The following AGBL1 variants were observed in gnomAD, a reference collection of about 807,000 sequenced individuals.
The protein encoded by AGBL1 is AGBL carboxypeptidase 1.
AGBL1 carries 130 observed loss-of-function variants against 118.9 expected under a neutral mutation model. The observed-to-expected ratio is 1.09, with a 90% CI of 0.95 to 1.26. AGBL1 has a LOEUF of 1.26. AGBL1 is among the 50% of genes most tolerant of loss of function. AGBL1 has a pLI of 0.00. For synonymous variants in AGBL1, 555 were observed against 478.9 expected, an observed-to-expected ratio of 1.16 and a Z score of -2.08; for missense variants, 1,584 against 1,298.1, an observed-to-expected ratio of 1.22 and a Z score of -3.38.
intron 23 of AGBL1, chr15:86,939,594 A>G (rs2080721506): frequency 6.6e-6 from 1 of 152,094 alleles, no homozygotes; most frequent in Non-Finnish European, 1.5e-5. Context: ...CTTCAAATAT[A>G]CATCTATCCT....
intron 1 of AGBL1, among the ~76,000 whole-genome samples, chr15:86,107,359 C>T (rs967914377): frequency 3.3e-4 from 50 of 152,182 alleles, no homozygotes; most frequent in African/African-American, 1.1e-3. Context: ...AATCTAGGTT[C>T]TACTGCATAT....
intron 21 of AGBL1, among the ~76,000 whole-genome samples, chr15:86,561,012 G>T (rs576845352): frequency 3.5e-4 from 53 of 152,264 alleles, no homozygotes; most frequent in African/African-American, 1.3e-3. Context: ...ATTTGTTTGA[G>T]TTCTTTGTAG....
rs556671579 is a variant in AGBL1, at chr15:86,477,727, T to G, written c.2556-45083T>G. ...AAAAGAGGGAATTCTCCCTAACTCA[T>G]TTTATGAGGCCAGCATCGTTCTGAG... On this transcript the variant is annotated intron_variant, in intron 18 of 22. Transcript: ENST00000614907. Among the ~76,000 whole-genome samples, 6 of 152,310 alleles carry G rather than the reference T, an allele frequency of 3.9e-5. No individual in the cohort carries two copies. The South Asian group carries it at 6.2e-4, about 16-fold the overall frequency.
chr15:86,839,772 T>C (rs1295257314), intron 22 of AGBL1, among the ~76,000 whole-genome samples: 2 of 152,196 alleles, frequency 1.3e-5, no homozygotes, highest in African/African-American at 2.4e-5. Context: ...AGAGGATTCC[T>C]TCTAATTCCT....
chr15:86,305,172 C>G (rs569766342), intron 17 of AGBL1: 66 of 152,230 alleles, frequency 4.3e-4, no homozygotes, highest in African/African-American at 1.5e-3. Context: ...TGTCAGTTCC[C>G]CAAACTCAGG....
At chr15:86,803,687 G>A in intron 22 of AGBL1, among the ~76,000 whole-genome samples, 1 of 152,024 alleles carries the variant, frequency 6.6e-6, no homozygotes, top group South Asian at 2.1e-4. Context: ...TCTTGGTAAG[G>A]ACAAAATTCA....
chr15:87,021,265 G>A (rs2081661683), intron 24 of AGBL1, among the ~76,000 whole-genome samples: 1 of 152,106 alleles, frequency 6.6e-6, no homozygotes, highest in South Asian at 2.1e-4. Context: ...TTTAATAAAT[G>A]GTGGTGGAAG....
intron 22 of AGBL1, among the ~76,000 whole-genome samples, chr15:86,710,257 G>T (rs1343141616): frequency 6.6e-6 from 1 of 152,120 alleles, no homozygotes; most frequent in Non-Finnish European, 1.5e-5. Flanking sequence ...ACCAAGTATC[G>T]ATGGATTGCA....
chr15:86,548,302 A>G (rs932251474), intron 20 of AGBL1, among the ~76,000 whole-genome samples: 1 of 152,152 alleles, frequency 6.6e-6, no homozygotes, highest in Non-Finnish European at 1.5e-5. Context: ...TATTGAAGAG[A>G]CGATTATACA....
intron 22 of AGBL1, among the ~76,000 whole-genome samples, chr15:86,785,065 C>G (rs1380912580): frequency 6.6e-6 from 1 of 152,080 alleles, no homozygotes; most frequent in Non-Finnish European, 1.5e-5. Flanking sequence ...ACAATGAATG[C>G]AAATGAATTG....
intron 24 of AGBL1, among the ~76,000 whole-genome samples, chr15:87,009,849 C>T (rs146842867): frequency 0.099 from 15,063 of 152,218 alleles, 1,326 homozygotes; most frequent in African/African-American, 0.23. Flanking sequence ...TCATTTTGGC[C>T]AATTTCTCTC....
rs2080306770 is a variant in AGBL1, at chr15:86,908,231, A to T, written c.*937A>T. 6.6e-6 allele frequency: 1 copy of T among 152,170 alleles called. No individual in the cohort carries two copies. The highest frequency in any genetic ancestry group is 2.4e-5 in the African/African-American group (1 of 41,436). 9.4% of individuals were successfully genotyped at this position (152,170 alleles called of 1,614,324 possible). A position where few individuals can be genotyped will look rare whatever the true frequency, so the allele number is the denominator to read the frequency against. On this transcript the variant is annotated 3_prime_UTR_variant, in exon 23 of 23. Coordinates refer to ENST00000614907, the MANE Select transcript of AGBL1 (RefSeq NM_001386094.1). ...AGCTTAGCATTTGGTACACAACAAC[A>T]TTGGCTTATTTTTCTTCATAACACA... is the stretch of plus-strand genomic sequence containing the variant.
At chr15:86,147,870 C>A (rs1260524518) in intron 3 of AGBL1, among the ~76,000 whole-genome samples, 1 of 152,160 alleles carries the variant, frequency 6.6e-6, no homozygotes, top group Admixed American at 6.5e-5. Context: ...CGACTGACAC[C>A]TCATGTAGGC....
At chr15:86,238,934 A>T (rs572294499) in intron 6 of AGBL1, among the ~76,000 whole-genome samples, 3 of 152,182 alleles carry the variant, frequency 2.0e-5, no homozygotes, top group African/African-American at 7.2e-5. Flanking sequence ...AATTACAGGC[A>T]TGCCCCTTTC....
intron 23 of AGBL1, among the ~76,000 whole-genome samples, chr15:86,924,173 G>T (rs937735748): frequency 6.6e-6 from 1 of 152,220 alleles, no homozygotes; most frequent in Non-Finnish European, 1.5e-5. Context: ...ACACAGGGAT[G>T]CATACACACA....
chr15:86,816,865 C>A (rs764808811), intron 22 of AGBL1, among the ~76,000 whole-genome samples: 1 of 151,734 alleles, frequency 6.6e-6, no homozygotes, highest in Non-Finnish European at 1.5e-5. Context: ...TATTTTTTTT[C>A]CTTAGGTCAT....
Position 86,909,776 on chromosome 15 carries a change from A to G in AGBL1, c.*2482A>G, listed in dbSNP as rs2080325341. 2 of 152,208 alleles carry G rather than the reference A, an allele frequency of 1.3e-5. No individual in the cohort carries two copies. The highest frequency in any genetic ancestry group is 2.9e-5 in the Non-Finnish European group (2 of 68,044). The allele number at this position is 152,208 out of a possible 1,614,324, so 9.4% of individuals were successfully genotyped here. A position where few individuals can be genotyped will look rare whatever the true frequency, so the allele number is the denominator to read the frequency against. On this transcript the variant is annotated 3_prime_UTR_variant, in exon 23 of 23. Coordinates refer to ENST00000614907, the MANE Select transcript of AGBL1 (RefSeq NM_001386094.1). ...AAATGTAATTGCTGAGAGAGGTGGGAATGATGCTAGCTTATCATTAATTAT... is the reference window on the plus strand; with the variant it reads ...AAATGTAATTGCTGAGAGAGGTGGGGATGATGCTAGCTTATCATTAATTAT...
In AGBL1 at chr15:86,912,197, T is replaced by A. The variant is rs997137118; in HGVS notation, c.*4903T>A. ...TCACTAAAAGGACGTGTAGCACAAG[T>A]GCAGCCTGGCCTCTCAAGCTGGTGG... On this transcript the variant is annotated 3_prime_UTR_variant, in exon 23 of 23. Coordinates refer to ENST00000614907, the MANE Select transcript of AGBL1 (RefSeq NM_001386094.1). The A allele has an allele frequency of 6.6e-6, 1 of 152,172 alleles. No individual in the cohort carries two copies. Among genetic ancestry groups the A allele is most frequent in the East Asian group, 1.9e-4 (1 of 5,180 alleles). 9.4% of individuals were successfully genotyped at this position (152,172 alleles called of 1,614,324 possible).
At chr15:86,519,289 A>G (rs967165907) in intron 18 of AGBL1, among the ~76,000 whole-genome samples, 12 of 152,162 alleles carry the variant, frequency 7.9e-5, no homozygotes, top group Non-Finnish European at 1.2e-4. Flanking sequence ...CAGAACTTCA[A>G]ACTATTTGAG....
Sources: allele counts gnomAD v4.1 joint callset (sites outside exome capture counted in the v4.1 genomes callset), GRCh38; gene constraint gnomAD v4.1.1; transcripts MANE v1.5; gene names NCBI Gene and HGNC (gene_info 2026-07-23, HGNC 2026-07-21).